Variants in SIRPD observed in about 807,000 individuals in gnomAD.
SIRPD encodes signal-regulatory protein delta.
Under a neutral mutation model 18.0 loss-of-function variants are expected in SIRPD, and 21 were observed. That is an observed-to-expected ratio of 1.17 (90% CI 0.83 to 1.68). The LOEUF is 1.68. Among genes scored for constraint, SIRPD ranks in the 40% most tolerant of loss-of-function variants. The pLI is 0.00. For synonymous variants in SIRPD, 106 were observed against 92.9 expected, an observed-to-expected ratio of 1.14 and a Z score of -0.81; for missense variants, 295 against 238.4, an observed-to-expected ratio of 1.24 and a Z score of -1.56.
At chr20:1,555,425 C>T (rs895925954) in intron 1 of SIRPD, among the ~76,000 whole-genome samples, 1 of 152,076 alleles carries the variant, frequency 6.6e-6, no homozygotes, top group African/African-American at 2.4e-5. Context: ...TGATCTATTG[C>T]ACAGCATGGT....
chr20:1,547,683 T>C (rs957750945), intron 2 of SIRPD, among the ~76,000 whole-genome samples: 2 of 152,172 alleles, frequency 1.3e-5, no homozygotes, highest in African/African-American at 4.8e-5. Context: ...TACAAAAAAG[T>C]AGGTTGGGAT....
intron 2 of SIRPD, among the ~76,000 whole-genome samples, chr20:1,544,783 T>G (rs560656361): frequency 3.3e-5 from 5 of 152,226 alleles, no homozygotes; most frequent in African/African-American, 4.8e-5. Flanking sequence ...ATTTAGTACT[T>G]CCTTCAGGAG....
intron 1 of SIRPD, among the ~76,000 whole-genome samples, chr20:1,556,658 C>T (rs929082254): frequency 6.6e-6 from 1 of 152,152 alleles, no homozygotes; most frequent in East Asian, 1.9e-4. Flanking sequence ...GACACAGAGA[C>T]AGACATACAT....
In SIRPD at chr20:1,537,330, T is replaced by A; in HGVS notation, c.422-20A>T. 6.2e-7 allele frequency: 1 copy of A among 1,609,354 alleles called. No homozygotes were observed. The highest frequency in any genetic ancestry group is 8.5e-7 in the Non-Finnish European group (1 of 1,176,840). On this transcript the variant is annotated intron_variant, in intron 2 of 3. Transcript: ENST00000381623. ...TCTGCTCTGCTGAGAGAGGCAAAAC[T>A]ATGTGTTCCATGATATAAGAGGAAG...
At chr20:1,536,852 C>G in intron 3 of SIRPD, among the ~76,000 whole-genome samples, 1 of 152,056 alleles carries the variant, frequency 6.6e-6, no homozygotes, top group East Asian at 1.9e-4. Context: ...GGTCGTGGAA[C>G]CTTCACAGGA....
At chr20:1,542,962 G>C (rs2263660) in intron 2 of SIRPD, among the ~76,000 whole-genome samples, 5 of 149,476 alleles carry the variant, frequency 3.3e-5, no homozygotes, top group Non-Finnish European at 5.9e-5. Context: ...AACCAGCCTT[G>C]CATCCCAGGG....
intron 2 of SIRPD, among the ~76,000 whole-genome samples, chr20:1,541,070 G>A (rs980352522): frequency 5.3e-5 from 8 of 152,066 alleles, no homozygotes; most frequent in Non-Finnish European, 1.0e-4. Context: ...TCAAGTCTTT[G>A]CTATTGTGAA....
At chr20:1,534,585 G>A (rs185992158) in intron 3 of SIRPD, 144 bp from the exon 4 acceptor site, 91 of 738,718 alleles carry the variant, frequency 1.2e-4, no homozygotes, top group African/African-American at 1.1e-3. Context: ...TGAGGCAGGC[G>A]CTCCCACATA....
At chr20:1,550,873 T>G (rs867531638) in intron 2 of SIRPD, among the ~76,000 whole-genome samples, 1 of 152,184 alleles carries the variant, frequency 6.6e-6, no homozygotes, top group Non-Finnish European at 1.5e-5. Context: ...AGATGCCCAA[T>G]AAATGTTAGC....
At chr20:1,553,435 G>A (rs1442520009) in intron 1 of SIRPD, among the ~76,000 whole-genome samples, 3 of 152,274 alleles carry the variant, frequency 2.0e-5, no homozygotes, top group Non-Finnish European at 2.9e-5. Context: ...GAGATACTGG[G>A]CATTTTGGGG....
chr20:1,551,278 A>G (rs2091017654), intron 2 of SIRPD, among the ~76,000 whole-genome samples: 1 of 152,176 alleles, frequency 6.6e-6, no homozygotes, highest in African/African-American at 2.4e-5. Flanking sequence ...GGAGCAACAC[A>G]GTTGCTTGTT....
At chr20:1,542,478 A>G (rs2090976376) in intron 2 of SIRPD, among the ~76,000 whole-genome samples, 1 of 152,194 alleles carries the variant, frequency 6.6e-6, no homozygotes, top group Admixed American at 6.5e-5. Flanking sequence ...TGATTTTTGC[A>G]TATTGATTTT....
chr20:1,536,130 A>C (rs1003120694), intron 3 of SIRPD, among the ~76,000 whole-genome samples: 2 of 152,212 alleles, frequency 1.3e-5, no homozygotes, highest in African/African-American at 4.8e-5. Context: ...ATGCAGCAGG[A>C]CTATTTTCGT....
chr20:1,556,202 G>A (rs935363681), intron 1 of SIRPD, among the ~76,000 whole-genome samples: 11 of 152,174 alleles, frequency 7.2e-5, no homozygotes, highest in Non-Finnish European at 1.2e-4. Flanking sequence ...ACACACAACT[G>A]AGATTACATA....
Position 1,534,251 on chromosome 20 carries a change from T to C in SIRPD, c.*174A>G. On this transcript the variant is annotated 3_prime_UTR_variant, in exon 4 of 4. Transcript: ENST00000381623. ...ATGAAACAGAAGAGAGAACCTGGAA[T>C]TGGACCCAGGTAAATAGACAGATTT... The C allele has an allele frequency of 1.2e-6, 1 of 824,128 alleles. No individual in the cohort carries two copies. Among genetic ancestry groups the C allele is most frequent in the Non-Finnish European group, 1.9e-6 (1 of 526,322 alleles). 51.1% of individuals were successfully genotyped at this position (824,128 alleles called of 1,614,324 possible).
At chr20:1,540,088 T>TA (rs750157688) in intron 2 of SIRPD, 1 of 324,214 alleles carries the variant, frequency 3.1e-6, no homozygotes, top group Non-Finnish European at 6.1e-6. Flanking sequence ...ACAGATTTGT[T>TA]AAGAATCTGG....
intron 2 of SIRPD, among the ~76,000 whole-genome samples, chr20:1,544,388 C>G (rs1204950061): frequency 1.3e-5 from 2 of 150,240 alleles, no homozygotes; most frequent in Non-Finnish European, 3.0e-5. Context: ...CTTTTTTGAT[C>G]TTTGTTGGTT....
intron 2 of SIRPD, among the ~76,000 whole-genome samples, chr20:1,537,578 G>A (rs1281772834): frequency 1.3e-5 from 2 of 152,170 alleles, no homozygotes; most frequent in African/African-American, 2.4e-5. Flanking sequence ...CAGGAACAGG[G>A]TCTGCCATAG....
In SIRPD at chr20:1,550,428, T is replaced by C. The variant is rs112930731; in HGVS notation, c.421+1263A>G. The stretch of plus-strand genomic sequence containing the variant: ...TGGGGGAATGAATATCAACATTTTC[T>C]GCATTTATTTTCGCTATCATATACT... On this transcript the variant is annotated intron_variant, in intron 2 of 3. Coordinates refer to ENST00000381623, the MANE Select transcript of SIRPD (RefSeq NM_178460.3). Among the ~76,000 whole-genome samples, 1,165 of 152,332 alleles carry C rather than the reference T, an allele frequency of 7.6e-3. 12 individuals are homozygous for C. Among genetic ancestry groups the C allele is most frequent in the Middle Eastern group, 0.02 (6 of 294 alleles).
Sources: allele counts gnomAD v4.1 joint callset (sites outside exome capture counted in the v4.1 genomes callset), GRCh38; gene constraint gnomAD v4.1.1; transcripts MANE v1.5; gene names NCBI Gene and HGNC (gene_info 2026-07-23, HGNC 2026-07-21).